Variants in MYO3A observed in about 807,000 individuals in gnomAD.
The protein encoded by MYO3A is myosin-IIIa.
A neutral mutation model predicts 192.7 loss-of-function variants in MYO3A; 180 were observed. The ratio of observed to expected loss-of-function variants is 0.93; its 90% CI spans 0.83 to 1.06. MYO3A has a LOEUF of 1.06. Among genes scored for constraint, MYO3A ranks in the 50% least tolerant of loss-of-function variants. The pLI is 0.00. For missense variants in MYO3A, 1,896 were observed against 1,905.0 expected (o/e 1.00, Z 0.09); for synonymous variants, 628 against 645.3 (o/e 0.97, Z 0.41).
Position 26,021,477 on chromosome 10 carries a change from C to G in MYO3A, c.586-26C>G, listed in dbSNP as rs376982357. The G allele has an allele frequency of 2.3e-4, 377 of 1,612,184 alleles. 1 individual carries two copies. In the African/African-American group the frequency reaches 4.5e-3, roughly 19 times the overall value. On this transcript the variant is annotated intron_variant, in intron 7 of 34. Coordinates refer to ENST00000642920, the MANE Select transcript of MYO3A (RefSeq NM_017433.5). ...TGCTTGTTAAAGTCACAAATTTCAC[C>G]TTTTGATGGTGTGGTTTTCTACTAG...
chr10:26,035,874 T>C (rs903375556), intron 10 of MYO3A, among the ~76,000 whole-genome samples: 1 of 152,184 alleles, frequency 6.6e-6, no homozygotes, highest in Non-Finnish European at 1.5e-5. Flanking sequence ...ATACTGCAGT[T>C]AGAGTTTGCA....
chr10:26,076,894 A>G (rs1835612481), intron 14 of MYO3A, among the ~76,000 whole-genome samples: 1 of 152,032 alleles, frequency 6.6e-6, no homozygotes, highest in South Asian at 2.1e-4. Flanking sequence ...TTTGGTGACT[A>G]TGGCCTTATA....
At chr10:26,041,874 AAT>A (rs1372001921) in intron 10 of MYO3A, among the ~76,000 whole-genome samples, 1 of 152,014 alleles carries the variant, frequency 6.6e-6, no homozygotes, top group Admixed American at 6.6e-5. Flanking sequence ...ACAGTATTAT[AAT>A]ATTCTGTGTT....
intron 24 of MYO3A, among the ~76,000 whole-genome samples, chr10:26,154,367 A>G (rs1430928787): frequency 6.6e-6 from 1 of 152,118 alleles, no homozygotes; most frequent in Non-Finnish European, 1.5e-5. Flanking sequence ...TTTAGTAGAG[A>G]CAGGATTTCA....
At chr10:26,182,314 T>C (rs1842651830) in intron 31 of MYO3A, among the ~76,000 whole-genome samples, 1 of 152,250 alleles carries the variant, frequency 6.6e-6, no homozygotes, top group Non-Finnish European at 1.5e-5. Flanking sequence ...TCACCTTTGC[T>C]GCCATGCTGT....
At chr10:26,159,366 T>C (rs1291859822) in intron 26 of MYO3A, among the ~76,000 whole-genome samples, 1 of 147,022 alleles carries the variant, frequency 6.8e-6, no homozygotes, top group Non-Finnish European at 1.5e-5. Context: ...TCTTTTTCTT[T>C]TTTTTTTTTT....
At chr10:26,170,040 C>T (rs1407749409) in intron 28 of MYO3A, among the ~76,000 whole-genome samples, 2 of 152,160 alleles carry the variant, frequency 1.3e-5, no homozygotes, top group Non-Finnish European at 2.9e-5. Flanking sequence ...AATCTGAATT[C>T]TCAAATATAC....
At chr10:25,960,298 A>C (rs1185127693) in intron 4 of MYO3A, among the ~76,000 whole-genome samples, 1 of 152,108 alleles carries the variant, frequency 6.6e-6, no homozygotes, top group Admixed American at 6.6e-5. Context: ...ATCTTTCATC[A>C]TCTGATGCTG....
At chr10:26,070,968 TC>T (rs2131392192) in intron 14 of MYO3A, among the ~76,000 whole-genome samples, 1 of 152,196 alleles carries the variant, frequency 6.6e-6, no homozygotes, top group South Asian at 2.1e-4. Flanking sequence ...AAGACGTCAG[TC>T]TTCTACAAAT....
intron 15 of MYO3A, among the ~76,000 whole-genome samples, chr10:26,092,027 A>T (rs1043680620): frequency 6.6e-6 from 1 of 152,246 alleles, no homozygotes; most frequent in Non-Finnish European, 1.5e-5. Context: ...AAATGAGTTC[A>T]TCTGCTAAGA....
At chr10:25,975,385 G>A (rs186656205) in intron 4 of MYO3A, among the ~76,000 whole-genome samples, 3 of 152,278 alleles carry the variant, frequency 2.0e-5, no homozygotes, top group Admixed American at 1.3e-4. Flanking sequence ...AAATAATGGA[G>A]CAAGTATCTC....
At chr10:25,940,067 T>C (rs1019301817) in intron 2 of MYO3A, among the ~76,000 whole-genome samples, 2 of 152,082 alleles carry the variant, frequency 1.3e-5, no homozygotes, top group Admixed American at 1.3e-4. Context: ...TTATTGTACT[T>C]CCATTCTTTT....
intron 9 of MYO3A, among the ~76,000 whole-genome samples, chr10:26,024,820 A>G (rs1842467291): frequency 6.6e-6 from 1 of 152,194 alleles, no homozygotes; most frequent in South Asian, 2.1e-4. Flanking sequence ...GGTTTCTGCC[A>G]AGCAGTTAGT....
intron 31 of MYO3A, among the ~76,000 whole-genome samples, chr10:26,179,739 A>C (rs1005317133): frequency 3.9e-5 from 6 of 152,250 alleles, no homozygotes; most frequent in African/African-American, 1.4e-4. Context: ...AAAAGAAAGA[A>C]AAATATACGA....
intron 15 of MYO3A, among the ~76,000 whole-genome samples, chr10:26,091,147 G>C (rs776649942): frequency 1.3e-5 from 2 of 152,228 alleles, no homozygotes; most frequent in Non-Finnish European, 2.9e-5. Flanking sequence ...GCAAGACAAA[G>C]AAGAGTGTAG....
chr10:25,969,063 C>A (rs997047072), intron 4 of MYO3A, among the ~76,000 whole-genome samples: 3 of 152,136 alleles, frequency 2.0e-5, no homozygotes, highest in Non-Finnish European at 4.4e-5. Flanking sequence ...TACGGTGAAA[C>A]CCCATCTCTA....
At chr10:26,195,650 C>T (rs1050896329) in intron 32 of MYO3A, among the ~76,000 whole-genome samples, 1 of 152,230 alleles carries the variant, frequency 6.6e-6, no homozygotes, top group Non-Finnish European at 1.5e-5. Flanking sequence ...GCATTCTCCT[C>T]TTCAAATTGT....
intron 14 of MYO3A, among the ~76,000 whole-genome samples, chr10:26,075,668 G>T (rs1314264331): frequency 7.8e-6 from 1 of 127,630 alleles, no homozygotes; most frequent in Non-Finnish European, 1.6e-5. Context: ...ATATATATAT[G>T]ATATATATAT....
chr10:26,198,054 G>C (rs768182135), intron 32 of MYO3A, among the ~76,000 whole-genome samples: 3 of 152,170 alleles, frequency 2.0e-5, no homozygotes, highest in Non-Finnish European at 4.4e-5. Flanking sequence ...AGTACTCTCA[G>C]GGGCTGTTGA....
Sources: allele counts gnomAD v4.1 joint callset (sites outside exome capture counted in the v4.1 genomes callset), GRCh38; gene constraint gnomAD v4.1.1; transcripts MANE v1.5; gene names NCBI Gene and HGNC (gene_info 2026-07-23, HGNC 2026-07-21).